MYL1: variants seen among roughly 807,000 people sequenced by gnomAD.
MYL1 encodes myosin light chain 1, also known as myosin light chain 1/3, skeletal muscle isoform.
MYL1 carries 16 observed loss-of-function variants against 21.8 expected under a neutral mutation model. The ratio of observed to expected loss-of-function variants is 0.74; its 90% CI spans 0.50 to 1.12. The LOEUF (loss-of-function observed/expected upper bound fraction) is 1.12, where lower values mean the gene tolerates loss of function less well. MYL1 is among the 50% of genes most tolerant of loss of function. MYL1 has a pLI of 0.00. For synonymous variants in MYL1, 99 were observed against 85.2 expected, an observed-to-expected ratio of 1.16 and a Z score of -0.89; for missense variants, 246 against 241.0, an observed-to-expected ratio of 1.02 and a Z score of -0.14.
intron 1 of MYL1, among the ~76,000 whole-genome samples, chr2:210,303,338 T>C (rs1181795667): frequency 1.3e-5 from 2 of 152,220 alleles, no homozygotes; most frequent in Non-Finnish European, 2.9e-5. Flanking sequence ...TCTTGGAAGA[T>C]GTATTTTTCC....
In MYL1 at chr2:210,294,311, C is replaced by T; in HGVS notation, c.412G>A (p.Val138Ile). The T allele has an allele frequency of 6.2e-7, 1 of 1,614,030 alleles. No individual in the cohort carries two copies. The highest frequency in any genetic ancestry group is 8.5e-7 in the Non-Finnish European group (1 of 1,179,954). Residue 138 changes from valine (V) to isoleucine (I), a missense_variant, in exon 4 of 7, where the codon GTC (valine) becomes ATC (isoleucine). Physicochemically the swap from Val to Ile is conservative, Grantham distance 29 (BLOSUM62 3). Coordinates refer to ENST00000352451, the MANE Select transcript of MYL1 (RefSeq NM_079420.3). ...TYEDFVEGLR[V>I]FDKEGNGTVM... The stretch of plus-strand genomic sequence containing the variant: ...GTGCCATTGCCTTCCTTGTCAAAGA[C>T]ACGCAGACCCTCAACAAAGTCTTCA...
At chr2:210,304,132 A>T (rs1330467520) in intron 1 of MYL1, among the ~76,000 whole-genome samples, 1 of 152,200 alleles carries the variant, frequency 6.6e-6, no homozygotes, top group Non-Finnish European at 1.5e-5. Context: ...CATGTTTCTT[A>T]GAGCGCACCC....
intron 3 of MYL1, among the ~76,000 whole-genome samples, chr2:210,297,764 T>C (rs1690200012): frequency 6.6e-6 from 1 of 151,936 alleles, no homozygotes. Context: ...ATTTTTTTCC[T>C]AGGATTATCC....
chr2:210,311,176 C>G (rs1575707681), intron 1 of MYL1, among the ~76,000 whole-genome samples: 1 of 152,042 alleles, frequency 6.6e-6, no homozygotes, highest in East Asian at 1.9e-4. Flanking sequence ...TTTGATTTTT[C>G]TCAGAAATTC....
At chr2:210,291,135 A>C in intron 5 of MYL1, 61 bp from the exon 6 acceptor site, 2 of 1,375,002 alleles carry the variant, frequency 1.5e-6, no homozygotes, top group Non-Finnish European at 2.1e-6. Context: ...AAATTTAATA[A>C]AAGAGAGGTT....
intron 2 of MYL1, among the ~76,000 whole-genome samples, chr2:210,300,434 C>T (rs912283718): frequency 6.6e-6 from 1 of 152,076 alleles, no homozygotes; most frequent in Non-Finnish European, 1.5e-5. Flanking sequence ...CATTCCCATT[C>T]TTTTATGAAT....
At chr2:210,293,379 T>A in intron 5 of MYL1, among the ~76,000 whole-genome samples, 1 of 152,234 alleles carries the variant, frequency 6.6e-6, no homozygotes, top group East Asian at 1.9e-4. Context: ...TTTTCATAAT[T>A]GCTTCATATT....
chr2:210,299,366 CTCTGCCCGGTA>C (rs1690230353), intron 2 of MYL1, among the ~76,000 whole-genome samples: 1 of 152,120 alleles, frequency 6.6e-6, no homozygotes, highest in Non-Finnish European at 1.5e-5. Context: ...CTCTTGTATG[CTCTGCCCGGTA>C]TCTTCCAGTA....
chr2:210,308,317 A>G (rs992469720), intron 1 of MYL1, among the ~76,000 whole-genome samples: 3 of 148,916 alleles, frequency 2.0e-5, no homozygotes, highest in Non-Finnish European at 4.5e-5. Flanking sequence ...AAGTCTTAGG[A>G]GTTCTGTGCT....
At chr2:210,295,617 G>A (rs998822739) in intron 3 of MYL1, among the ~76,000 whole-genome samples, 2 of 151,882 alleles carry the variant, frequency 1.3e-5, no homozygotes, top group African/African-American at 4.8e-5. Context: ...CTGCACTCTA[G>A]CCTGGAGGAC....
intron 1 of MYL1, among the ~76,000 whole-genome samples, chr2:210,314,005 A>G (rs571993425): frequency 6.6e-6 from 1 of 152,104 alleles, no homozygotes; most frequent in African/African-American, 2.4e-5. Flanking sequence ...ATATGAGCCA[A>G]TCAGAACTCA....
At position 210,291,039 on chromosome 2, in the gene MYL1, G is replaced by T. The variant is rs1690066996; in HGVS notation, c.*7C>A. 3.1e-6 allele frequency: 5 copies of T among 1,605,244 alleles called. No individual in the cohort carries two copies. The highest frequency in any genetic ancestry group is 4.3e-6 in the Non-Finnish European group (5 of 1,173,190). On this transcript the variant is annotated 3_prime_UTR_variant, in exon 6 of 7. Transcript: ENST00000352451. The stretch of plus-strand genomic sequence containing the variant: ...GAGGGAACTGGTATATACCTTGAGA[G>T]CTCCATTCAGATAGACATGATGTGC...
intron 1 of MYL1, among the ~76,000 whole-genome samples, chr2:210,313,589 T>G (rs1268914634): frequency 6.6e-6 from 1 of 151,940 alleles, no homozygotes; most frequent in Non-Finnish European, 1.5e-5. Context: ...TAAGAATAGT[T>G]CTTAATATTA....
rs773302523 is a variant in MYL1, at chr2:210,298,534, T to C, written c.190A>G (p.Arg64Gly). The change falls in exon 3 of 7, where the codon AGA becomes GGA. Residue 64 changes from arginine to glycine, a missense_variant. Coordinates refer to ENST00000352451, the MANE Select transcript of MYL1 (RefSeq NM_079420.3). ...EFKEAFLLFDRTGDSKITLSQ... is the reference protein window; with the variant it reads ...EFKEAFLLFDGTGDSKITLSQ... ...AAGGTGATCTTGGAATCACCTGTTC[T>C]GTCAAACAGGAGAAATGCCTCCTTG... The C allele has an allele frequency of 6.2e-7, 1 of 1,614,118 alleles. No individual in the cohort carries two copies. The highest frequency in any genetic ancestry group is 1.3e-5 in the African/African-American group (1 of 75,056).
chr2:210,295,104 G>T (rs1361673643), intron 3 of MYL1, among the ~76,000 whole-genome samples: 3 of 152,090 alleles, frequency 2.0e-5, no homozygotes, highest in Non-Finnish European at 4.4e-5. Context: ...CTTATTCATG[G>T]AAAATCTGGA....
At chr2:210,303,603 C>A in intron 1 of MYL1, 1 of 1,599,200 alleles carries the variant, frequency 6.3e-7, no homozygotes, top group Non-Finnish European at 8.5e-7. Flanking sequence ...GAGGGCTGCT[C>A]CGGTCCCTGA....
chr2:210,298,849 G>T (rs1053727878), intron 2 of MYL1, among the ~76,000 whole-genome samples: 1 of 152,078 alleles, frequency 6.6e-6, no homozygotes, highest in African/African-American at 2.4e-5. Flanking sequence ...TCCTTTACCT[G>T]CCTGGAAACC....
At chr2:210,312,202 G>C (rs1303322447) in intron 1 of MYL1, among the ~76,000 whole-genome samples, 2 of 151,830 alleles carry the variant, frequency 1.3e-5, no homozygotes, top group Non-Finnish European at 2.9e-5. Context: ...CCATGGCTAT[G>C]ACTATAGTAC....
intron 1 of MYL1, chr2:210,303,092 A>G (rs1690289091): frequency 2.5e-6 from 1 of 402,088 alleles, no homozygotes. Context: ...GTTAAAGTAC[A>G]GATATACACA....
Sources: allele counts gnomAD v4.1 joint callset (sites outside exome capture counted in the v4.1 genomes callset), GRCh38; gene constraint gnomAD v4.1.1; transcripts MANE v1.5; gene names NCBI Gene and HGNC (gene_info 2026-07-23, HGNC 2026-07-21).